KIF7: variants seen among roughly 807,000 people sequenced by gnomAD.
The protein encoded by KIF7 is kinesin family member 7, also known as kinesin-like protein KIF7.
A neutral mutation model predicts 135.7 loss-of-function variants in KIF7; 104 were observed. The ratio of observed to expected loss-of-function variants is 0.77; its 90% CI spans 0.65 to 0.90. The LOEUF is 0.90. Ranked by LOEUF, KIF7 falls within the 40% of genes least tolerant of loss-of-function variation. The pLI, the probability that KIF7 is intolerant of heterozygous loss-of-function variation, is 0.00. For missense variants in KIF7, 2,005 were observed against 1,839.1 expected (o/e 1.09, Z -1.65); for synonymous variants, 883 against 809.4 (o/e 1.09, Z -1.54).
At position 89,649,023 on chromosome 15, in the gene KIF7, G is replaced by A. The variant is rs2142030215; in HGVS notation, c.874C>T (p.Pro292Ser). ...GGTATGTGGCTGCCCCGGCGCTGAG[G>A]GTCCCCCAGGGCGCTGATGACGTTG... ...LGNVISALGD[P>S]QRRGSHIPYR... Residue 292 changes from proline (P) to serine (S), a missense_variant, in exon 4 of 19, where the codon CCT becomes TCT. By Grantham distance (74) the Pro-to-Ser change is moderately conservative. Coordinates refer to ENST00000394412, the MANE Select transcript of KIF7 (RefSeq NM_198525.3). 6.5e-7 allele frequency: 1 copy of A among 1,548,078 alleles called. No individual in the cohort carries two copies. Among genetic ancestry groups the A allele is most frequent in the Middle Eastern group, 1.7e-4 (1 of 5,760 alleles).
At chr15:89,655,919 G>C (rs78269871), upstream of KIF7, among the ~76,000 whole-genome samples, 572 of 152,284 alleles carry the variant, frequency 3.8e-3, 2 homozygotes, top group African/African-American at 0.013. Context: ...GCACCAGGAG[G>C]GGCAGGAGAG....
chr15:89,647,770 C>A, intron 5 of KIF7, 58 bp from the exon 6 acceptor site: 3 of 1,289,066 alleles, frequency 2.3e-6, no homozygotes, highest in Non-Finnish European at 1.1e-6. Context: ...GCTGGACACC[C>A]GGCCTCTTCT....
At position 89,633,670 on chromosome 15, in the gene KIF7, C is replaced by T; in HGVS notation, c.2592+16G>A. On this transcript the variant is annotated intron_variant, in intron 12 of 18. Transcript: ENST00000394412. ...TTGGCCTGGACAGAAGGTCCCCACC[C>T]TGCCGTGAGCCTGACCTTGACGCGG... 6.2e-7 allele frequency: 1 copy of T among 1,604,488 alleles called. No homozygotes were observed. Among genetic ancestry groups the T allele is most frequent in the African/African-American group, 1.3e-5 (1 of 74,972 alleles).
chr15:89,655,026 C>T (rs1964186012), intron 1 of KIF7, among the ~76,000 whole-genome samples: 1 of 152,228 alleles, frequency 6.6e-6, no homozygotes, highest in African/African-American at 2.4e-5. Context: ...CTGACAACCC[C>T]GCAGGCGCTA....
chr15:89,639,814 A>C (rs985487909), intron 11 of KIF7, among the ~76,000 whole-genome samples: 5 of 152,034 alleles, frequency 3.3e-5, no homozygotes, highest in African/African-American at 1.2e-4. Context: ...AGGACTATAA[A>C]TCATGCAGCT....
In KIF7 at chr15:89,628,514, C is replaced by T. The variant is rs1212738375; in HGVS notation, c.3937G>A (p.Gly1313Ser). The T allele has an allele frequency of 3.7e-6, 6 of 1,612,988 alleles. No homozygotes were observed. The South Asian group carries it at 4.4e-5, about 12-fold the overall frequency. The stretch of plus-strand genomic sequence containing the variant: ...AAAGGCCCAAAGTTCCAGGGCAGGC[C>T]TGCCTCACCCACAGGAAGCACCCGC... Reference protein sequence around the residue: ...VGRVLPVGEAGLPWNFGPLSK... With the variant: ...VGRVLPVGEASLPWNFGPLSK... Residue 1313 changes from glycine (G) to serine (S), a missense_variant, in exon 19 of 19, where the codon GGC becomes AGC. By Grantham distance (56) the Gly-to-Ser change is moderately conservative. Transcript: ENST00000394412.
At chr15:89,654,581 A>G (rs1964178623) in intron 1 of KIF7, among the ~76,000 whole-genome samples, 1 of 151,890 alleles carries the variant, frequency 6.6e-6, no homozygotes, top group Admixed American at 6.6e-5. Context: ...GACCACTCCA[A>G]CTGCAGGTTA....
downstream of KIF7, among the ~76,000 whole-genome samples, chr15:89,626,674 C>T (rs1032496437): frequency 1.3e-5 from 2 of 152,122 alleles, no homozygotes; most frequent in South Asian, 2.1e-4. Context: ...CCCCAGAGAT[C>T]TGAGACCTAG....
chr15:89,633,926 C>A, intron 11 of KIF7, 43 bp from the exon 12 acceptor site: 2 of 1,607,708 alleles, frequency 1.2e-6, no homozygotes, highest in Non-Finnish European at 1.7e-6. Context: ...ACGGGGCTAC[C>A]GCGAGCCTGC....
chr15:89,622,464 T>C (rs1037612664), intron 1 of KIF7, among the ~76,000 whole-genome samples: 3 of 152,218 alleles, frequency 2.0e-5, no homozygotes, highest in African/African-American at 7.2e-5. Context: ...TCACTTTGCT[T>C]AAAGCTCTAT....
chr15:89,625,774 GTGTT>G (rs1249065300), downstream of KIF7: 2 of 1,602,402 alleles, frequency 1.2e-6, no homozygotes, highest in East Asian at 2.2e-5. Context: ...AGACGAAGAG[GTGTT>G]TGTTTCCGGT....
downstream of KIF7, chr15:89,626,966 G>A (rs1176001339): frequency 1.2e-6 from 2 of 1,614,024 alleles, no homozygotes; most frequent in South Asian, 1.1e-5. Flanking sequence ...ATGAGGATGT[G>A]GATGTTCTTC....
Position 89,631,693 on chromosome 15 carries a change from G to T in KIF7, c.2913C>A (p.Ile971=). The T allele has an allele frequency of 6.4e-7, 1 of 1,554,708 alleles. No individual in the cohort carries two copies. The highest frequency in any genetic ancestry group is 8.7e-7 in the Non-Finnish European group (1 of 1,148,018). The change falls in exon 15 of 19, where the codon ATC becomes ATA. Residue 971 remains isoleucine, a synonymous_variant. Coordinates refer to ENST00000394412, the MANE Select transcript of KIF7 (RefSeq NM_198525.3). ...LRSSQALNED[I]VRVSSRLEHL... is the part of the protein sequence containing the mutation. Reference sequence around the variant, plus strand: ...GCTCCAGCCGGCTGGACACTCGCACGATGTCCTCGTTGAGGGCCTGGGGGC... The same window carrying T: ...GCTCCAGCCGGCTGGACACTCGCACTATGTCCTCGTTGAGGGCCTGGGGGC...
At chr15:89,623,255 G>A (rs898490022), downstream of KIF7, among the ~76,000 whole-genome samples, 3 of 152,238 alleles carry the variant, frequency 2.0e-5, no homozygotes, top group African/African-American at 2.4e-5. Flanking sequence ...GGTGGCTCCT[G>A]GAGGCTGCTT....
downstream of KIF7, chr15:89,627,049 GGAA>G: frequency 3.1e-6 from 5 of 1,614,080 alleles, no homozygotes; most frequent in Non-Finnish European, 4.2e-6. Context: ...ACTTATACAC[GGAA>G]GAAGCTCATG....
At chr15:89,623,487 CTA>C, downstream of KIF7, 1 of 935,444 alleles carries the variant, frequency 1.1e-6, no homozygotes, top group Middle Eastern at 3.4e-4. Context: ...AAACGGGTCA[CTA>C]TTTGAGATTT....
chr15:89,634,009 A>C, intron 11 of KIF7, 126 bp from the exon 12 acceptor site: 1 of 989,370 alleles, frequency 1.0e-6, no homozygotes, highest in Non-Finnish European at 1.6e-6. Flanking sequence ...ACCAATAATA[A>C]TAACAGAGGC....
intron 1 of KIF7, among the ~76,000 whole-genome samples, chr15:89,619,397 T>C (rs1325684004): frequency 6.6e-6 from 1 of 152,064 alleles, no homozygotes; most frequent in Non-Finnish European, 1.5e-5. Flanking sequence ...GGCTAATTTT[T>C]GTATTTTTAG....
chr15:89,628,745 G>T lies in KIF7; in HGVS notation c.3706C>A (p.Pro1236Thr). The change falls in exon 19 of 19, where the codon CCT becomes ACT. Residue 1236 changes from proline to threonine, a missense_variant. Physicochemically the swap from Pro to Thr is conservative, Grantham distance 38 (BLOSUM62 -1). Coordinates refer to ENST00000394412, the MANE Select transcript of KIF7 (RefSeq NM_198525.3). Reference protein sequence around the residue: ...RSLCSEGRQAPGNEDELHLAP... With the variant: ...RSLCSEGRQATGNEDELHLAP... Reference sequence around the variant, plus strand: ...AGGTGGAGCTCATCTTCATTTCCAGGAGCCTGTCTGCCCTCCGAGCACAGG... The same window carrying T: ...AGGTGGAGCTCATCTTCATTTCCAGTAGCCTGTCTGCCCTCCGAGCACAGG... 3.1e-6 allele frequency: 5 copies of T among 1,612,686 alleles called. No homozygotes were observed. The highest frequency in any genetic ancestry group is 4.2e-6 in the Non-Finnish European group (5 of 1,179,978).
Sources: allele counts gnomAD v4.1 joint callset (sites outside exome capture counted in the v4.1 genomes callset), GRCh38; gene constraint gnomAD v4.1.1; transcripts MANE v1.5; gene names NCBI Gene and HGNC (gene_info 2026-07-23, HGNC 2026-07-21).